Variants in DLGAP2 observed in about 807,000 individuals in gnomAD.
DLGAP2 encodes the protein DLG associated protein 2, also known as disks large-associated protein 2.
Under a neutral mutation model 100.3 loss-of-function variants are expected in DLGAP2, and 26 were observed. The observed-to-expected ratio is 0.26, with a 90% CI of 0.19 to 0.36. The LOEUF is 0.36. Ranked by LOEUF, DLGAP2 falls within the 10% of genes least tolerant of loss-of-function variation. The pLI is 1.00. For synonymous variants in DLGAP2, 886 were observed against 630.1 expected (o/e 1.41, Z -6.08); for missense variants, 1,858 against 1,453.2 (o/e 1.28, Z -4.53).
chr8:919,561 A>G (rs1485158601), intron 2 of DLGAP2, among the ~76,000 whole-genome samples: 4 of 152,148 alleles, frequency 2.6e-5, no homozygotes, highest in African/African-American at 9.7e-5. Flanking sequence ...TGGCCTTGAG[A>G]ATAGAGTCCA....
intron 3 of DLGAP2, among the ~76,000 whole-genome samples, chr8:1,293,389 T>C (rs1210631385): frequency 6.6e-6 from 1 of 151,546 alleles, no homozygotes; most frequent in East Asian, 1.9e-4. Context: ...GGCTGAGCCA[T>C]GGCTCCTTCC....
chr8:1,335,809 A>T (rs933348311), intron 3 of DLGAP2, among the ~76,000 whole-genome samples: 4 of 152,262 alleles, frequency 2.6e-5, no homozygotes, highest in African/African-American at 9.6e-5. Context: ...GTGGTGCAAT[A>T]AAACAAGTTT....
intron 3 of DLGAP2, among the ~76,000 whole-genome samples, chr8:1,489,751 C>T (rs979250095): frequency 6.6e-6 from 1 of 152,188 alleles, no homozygotes; most frequent in African/African-American, 2.4e-5. Context: ...CAAACCGCAT[C>T]GAGTTTGAGT....
chr8:1,093,020 C>T (rs962235493), intron 2 of DLGAP2, among the ~76,000 whole-genome samples: 23 of 152,182 alleles, frequency 1.5e-4, no homozygotes, highest in Non-Finnish European at 2.9e-4. Flanking sequence ...CATGGGCAGG[C>T]GCCCTGGGAA....
intron 1 of DLGAP2, among the ~76,000 whole-genome samples, chr8:868,271 T>C (rs1364568944): frequency 1.3e-5 from 2 of 152,242 alleles, no homozygotes; most frequent in Non-Finnish European, 2.9e-5. Context: ...GGCTCTTGTA[T>C]GTCAGCAGCT....
intron 3 of DLGAP2, among the ~76,000 whole-genome samples, chr8:1,319,682 T>C (rs1173150189): frequency 2.6e-5 from 4 of 152,104 alleles, no homozygotes; most frequent in Non-Finnish European, 5.9e-5. Context: ...AGGGAAAGCC[T>C]CTCTGAGGAG....
intron 3 of DLGAP2, among the ~76,000 whole-genome samples, chr8:1,427,380 A>C (rs1286816620): frequency 6.6e-6 from 1 of 152,262 alleles, no homozygotes; most frequent in Non-Finnish European, 1.5e-5. Flanking sequence ...AAAGAGTAAC[A>C]AAATCAATTA....
At chr8:885,291 T>C (rs1452650057) in intron 1 of DLGAP2, among the ~76,000 whole-genome samples, 2 of 152,224 alleles carry the variant, frequency 1.3e-5, no homozygotes, top group African/African-American at 4.8e-5. Flanking sequence ...TTGTGTTCTC[T>C]CATTTCCTTG....
At chr8:768,002 G>A (rs1821258452) in intron 1 of DLGAP2, among the ~76,000 whole-genome samples, 1 of 152,184 alleles carries the variant, frequency 6.6e-6, no homozygotes, top group South Asian at 2.1e-4. Context: ...CTTCTCTGAT[G>A]TATAATTTAG....
intron 3 of DLGAP2, among the ~76,000 whole-genome samples, chr8:1,416,265 C>A (rs1796879932): frequency 6.6e-6 from 1 of 152,200 alleles, no homozygotes; most frequent in African/African-American, 2.4e-5. Context: ...CCAGCCCGGC[C>A]TGGCGGGGGA....
At chr8:1,298,493 T>A (rs952060987) in intron 3 of DLGAP2, among the ~76,000 whole-genome samples, 1 of 152,104 alleles carries the variant, frequency 6.6e-6, no homozygotes, top group Non-Finnish European at 1.5e-5. Context: ...GAGCTGAGTG[T>A]GCTCCTCTGG....
At chr8:1,067,480 G>C (rs931620963) in intron 2 of DLGAP2, among the ~76,000 whole-genome samples, 1 of 152,172 alleles carries the variant, frequency 6.6e-6, no homozygotes, top group Non-Finnish European at 1.5e-5. Flanking sequence ...GGAAGCCCGT[G>C]TGGGAAGACT....
At chr8:1,347,405 T>C (rs1450468681) in intron 3 of DLGAP2, among the ~76,000 whole-genome samples, 1 of 151,342 alleles carries the variant, frequency 6.6e-6, no homozygotes, top group Non-Finnish European at 1.5e-5. Context: ...GGAGGTTCAG[T>C]TCCCATACCC....
intron 2 of DLGAP2, among the ~76,000 whole-genome samples, chr8:1,054,188 ACACG>A (rs1802805198): frequency 6.6e-6 from 1 of 150,748 alleles, no homozygotes; most frequent in African/African-American, 2.4e-5. Flanking sequence ...GCACACATGT[ACACG>A]CACGCACACA....
chr8:1,082,307 T>C (rs942567219), intron 2 of DLGAP2, among the ~76,000 whole-genome samples: 2 of 152,208 alleles, frequency 1.3e-5, no homozygotes, highest in African/African-American at 4.8e-5. Context: ...TACACATTGA[T>C]TTTTTATCTC....
At chr8:1,599,302 A>G (rs910131255) in intron 6 of DLGAP2, among the ~76,000 whole-genome samples, 3 of 152,188 alleles carry the variant, frequency 2.0e-5, no homozygotes, top group African/African-American at 7.2e-5. Flanking sequence ...CAGTTTTGGA[A>G]TAAGTGTGAT....
chr8:915,775 G>T (rs571945684), intron 2 of DLGAP2, among the ~76,000 whole-genome samples: 1 of 151,986 alleles, frequency 6.6e-6, no homozygotes, highest in African/African-American at 2.4e-5. Context: ...CTGTCCCAGG[G>T]CGTGGTTTCC....
intron 2 of DLGAP2, among the ~76,000 whole-genome samples, chr8:1,252,736 G>T (rs1799075147): frequency 2.0e-5 from 3 of 152,266 alleles, no homozygotes; most frequent in Admixed American, 1.3e-4. Context: ...AGGCAGGCCT[G>T]CTGTCATCTA....
intron 2 of DLGAP2, among the ~76,000 whole-genome samples, chr8:1,066,851 G>A (rs1196092653): frequency 2.0e-5 from 3 of 152,294 alleles, no homozygotes; most frequent in Middle Eastern, 3.4e-3. Flanking sequence ...GGAGAGCTGC[G>A]GCCCAGTATA....
Sources: gnomAD v4.1 joint callset for allele counts (sites outside exome capture counted in the v4.1 genomes callset) on GRCh38, gnomAD v4.1.1 for gene constraint, MANE v1.5 for transcripts, NCBI Gene and HGNC (gene_info 2026-07-23, HGNC 2026-07-21) for gene names.